The following GALNT10 variants were observed in gnomAD, a reference collection of about 807,000 sequenced individuals.
The protein encoded by GALNT10 is polypeptide N-acetylgalactosaminyltransferase 10, also known as GalNAc transferase 10.
A neutral mutation model predicts 75.0 loss-of-function variants in GALNT10; 41 were observed. The ratio of observed to expected loss-of-function variants is 0.55; its 90% CI spans 0.43 to 0.71. The LOEUF (loss-of-function observed/expected upper bound fraction) is 0.71. GALNT10 is among the 30% of genes least tolerant of loss of function. GALNT10 has a pLI of 0.00. For synonymous variants in GALNT10, 302 were observed against 313.0 expected, an observed-to-expected ratio of 0.96 and a Z score of 0.37; for missense variants, 727 against 818.5, an observed-to-expected ratio of 0.89 and a Z score of 1.36.
rs571939210 is a variant in GALNT10, at chr5:154,342,969, A to G, written c.568+13231A>G. Among the ~76,000 whole-genome samples the G allele has an allele frequency of 7.2e-5, 11 of 152,324 alleles. No homozygotes were observed. The South Asian group carries it at 2.3e-3, about 32-fold the overall frequency. ...ACTCATCAGAATTTTATACTTTTTC[A>G]GGATTTTTTCAGTTGCCACGTGTGT... On this transcript the variant is annotated intron_variant, in intron 4 of 11. Transcript: ENST00000297107.
intron 4 of GALNT10, chr5:154,347,152 C>G: frequency 1.9e-6 from 1 of 514,236 alleles, no homozygotes; most frequent in Non-Finnish European, 4.0e-6. Flanking sequence ...TCACCGAGTC[C>G]TGTGAGGTTG....
At chr5:154,211,917 A>G (rs1325997960) in intron 1 of GALNT10, among the ~76,000 whole-genome samples, 1 of 152,228 alleles carries the variant, frequency 6.6e-6, no homozygotes, top group African/African-American at 2.4e-5. Context: ...CCTGGTCTCC[A>G]AAGCTATATA....
intron 3 of GALNT10, among the ~76,000 whole-genome samples, chr5:154,313,661 G>A (rs1316152299): frequency 6.6e-6 from 1 of 152,214 alleles, no homozygotes; most frequent in East Asian, 1.9e-4. Flanking sequence ...ACGTTGTCAA[G>A]TAATCTTTTG....
intron 1 of GALNT10, among the ~76,000 whole-genome samples, chr5:154,224,103 A>G (rs1372370865): frequency 6.6e-6 from 1 of 152,176 alleles, no homozygotes; most frequent in African/African-American, 2.4e-5. Context: ...TGGGCTTAGA[A>G]GTTTGAATTT....
intron 4 of GALNT10, among the ~76,000 whole-genome samples, chr5:154,339,320 C>CT (rs1279499196): frequency 6.6e-6 from 1 of 152,192 alleles, no homozygotes; most frequent in Non-Finnish European, 1.5e-5. Context: ...TTCTCTTCTC[C>CT]TTTCATATCT....
At chr5:154,197,803 T>C (rs1192462836) in intron 1 of GALNT10, among the ~76,000 whole-genome samples, 1 of 152,202 alleles carries the variant, frequency 6.6e-6, no homozygotes, top group Admixed American at 6.5e-5. Flanking sequence ...AATATTGTTG[T>C]AACCAGGTAG....
At chr5:154,406,415 C>T (rs555822350) in intron 8 of GALNT10, among the ~76,000 whole-genome samples, 138 of 152,276 alleles carry the variant, frequency 9.1e-4, no homozygotes, top group African/African-American at 3.2e-3. Context: ...TGTGTGGGTT[C>T]GCAGAACCAC....
intron 1 of GALNT10, among the ~76,000 whole-genome samples, chr5:154,211,598 G>A (rs1775198763): frequency 6.6e-6 from 1 of 152,142 alleles, no homozygotes; most frequent in Non-Finnish European, 1.5e-5. Flanking sequence ...ACAAACATTT[G>A]TTATCTTAAA....
chr5:154,226,023 A>G (rs1316736158), intron 1 of GALNT10, among the ~76,000 whole-genome samples: 1 of 152,070 alleles, frequency 6.6e-6, no homozygotes, highest in African/African-American at 2.4e-5. Flanking sequence ...TAGGAGATAT[A>G]CCTAATGTTA....
intron 7 of GALNT10, chr5:154,388,929 G>A (rs1167302569): frequency 6.7e-6 from 1 of 149,804 alleles, no homozygotes; most frequent in African/African-American, 2.5e-5. Context: ...GAGAGAGAAG[G>A]AGTGGGGAGG....
At chr5:154,310,443 TTTTTTTTTTGTTTGTTTG>T (rs1269993343) in intron 3 of GALNT10, among the ~76,000 whole-genome samples, 1 of 12,696 alleles carries the variant, frequency 7.9e-5, no homozygotes, top group Non-Finnish European at 2.7e-4. Context: ...TTTTTTTTGT[TTTTTTTTTTGTTTGTTTG>T]TTTGTTTGTT....
At chr5:154,327,128 A>G (rs1370681345) in intron 3 of GALNT10, among the ~76,000 whole-genome samples, 1 of 152,146 alleles carries the variant, frequency 6.6e-6, no homozygotes. Context: ...CTGAGGTGGG[A>G]TGGCATGAAC....
intron 3 of GALNT10, among the ~76,000 whole-genome samples, chr5:154,328,706 T>G (rs1382997080): frequency 6.6e-6 from 1 of 152,166 alleles, no homozygotes; most frequent in Non-Finnish European, 1.5e-5. Flanking sequence ...AATCCAGACC[T>G]TGGGTAATTC....
At chr5:154,250,398 A>G (rs1753496751) in intron 1 of GALNT10, among the ~76,000 whole-genome samples, 1 of 152,094 alleles carries the variant, frequency 6.6e-6, no homozygotes. Flanking sequence ...AATGATATGG[A>G]GATTCATTAT....
intron 1 of GALNT10, among the ~76,000 whole-genome samples, chr5:154,212,363 G>A (rs1025351211): frequency 6.6e-6 from 1 of 152,208 alleles, no homozygotes; most frequent in African/African-American, 2.4e-5. Flanking sequence ...TACCATGACA[G>A]GCACTGCGCC....
At chr5:154,386,856 G>T (rs917350263) in intron 7 of GALNT10, 9 of 252,136 alleles carry the variant, frequency 3.6e-5, no homozygotes, top group Non-Finnish European at 5.9e-5. Flanking sequence ...TGTACCTGTT[G>T]CTCTAGGAGT....
At chr5:154,240,499 A>G (rs1026068602) in intron 1 of GALNT10, among the ~76,000 whole-genome samples, 1 of 152,230 alleles carries the variant, frequency 6.6e-6, no homozygotes, top group Non-Finnish European at 1.5e-5. Context: ...TCTTAGAGCT[A>G]CAATGAGTTC....
chr5:154,256,458 CT>C (rs1337827577), intron 1 of GALNT10, among the ~76,000 whole-genome samples: 19 of 150,568 alleles, frequency 1.3e-4, no homozygotes, highest in Non-Finnish European at 4.4e-5. Context: ...TCAGTTTCAT[CT>C]GTTTTCATTC....
At chr5:154,192,032 A>G (rs1440747274) in intron 1 of GALNT10, among the ~76,000 whole-genome samples, 2 of 152,234 alleles carry the variant, frequency 1.3e-5, no homozygotes, top group Admixed American at 6.5e-5. Context: ...ACTGTTTCAT[A>G]TAGTGGAACA....
Sources: gnomAD v4.1 joint callset for allele counts (sites outside exome capture counted in the v4.1 genomes callset) on GRCh38, gnomAD v4.1.1 for gene constraint, MANE v1.5 for transcripts, NCBI Gene and HGNC (gene_info 2026-07-23, HGNC 2026-07-21) for gene names.